IQSEC2: variants seen among roughly 807,000 people sequenced by gnomAD.
The protein encoded by IQSEC2 is IQ motif and Sec7 domain ArfGEF 2.
Under a neutral mutation model 74.6 loss-of-function variants are expected in IQSEC2, and 6 were observed. The ratio of observed to expected loss-of-function variants is 0.08; its 90% CI spans 0.04 to 0.16. IQSEC2 has a LOEUF of 0.16. Ranked by LOEUF, IQSEC2 falls within the 10% of genes least tolerant of loss-of-function variation. The pLI, the probability that IQSEC2 is intolerant of heterozygous loss-of-function variation, is 1.00. For synonymous variants in IQSEC2, 494 were observed against 544.5 expected, an observed-to-expected ratio of 0.91 and a Z score of 1.29; for missense variants, 734 against 1,306.2, an observed-to-expected ratio of 0.56 and a Z score of 6.75.
At chrX:53,303,673 C>T (rs112593119) in intron 1 of IQSEC2, among the ~76,000 whole-genome samples, 2,141 of 108,689 alleles carry the variant, frequency 0.02, 23 homozygotes, top group South Asian at 0.1. Context: ...TGATGGTGGG[C>T]GCCTATAATC....
At chrX:53,271,368 T>C (rs1459122339) in intron 2 of IQSEC2, among the ~76,000 whole-genome samples, 4 of 112,110 alleles carry the variant, frequency 3.6e-5, no homozygotes. Context: ...AGTAAATATG[T>C]CTGAGACTAA....
At chrX:53,285,853 G>A (rs368015864) in intron 2 of IQSEC2, among the ~76,000 whole-genome samples, 3 of 112,791 alleles carry the variant, frequency 2.7e-5, no homozygotes, top group East Asian at 5.5e-4. Context: ...TGTGGACATC[G>A]CTCCTGTGTC....
In IQSEC2 at chrX:53,255,951, C is replaced by G. The variant is rs1241595562; in HGVS notation, c.848G>C (p.Gly283Ala). 7 of 1,196,070 alleles carry G rather than the reference C, an allele frequency of 5.9e-6. No individual in the cohort carries two copies. Among genetic ancestry groups the G allele is most frequent in the Non-Finnish European group, 7.9e-6 (7 of 886,224 alleles). Reference sequence around the variant, plus strand: ...GGGAAGGCCCACTCCAGCAGGGGGGCCCCCCATGTGGCTGCTGGAGGGGGG... The same window carrying G: ...GGGAAGGCCCACTCCAGCAGGGGGGGCCCCCATGTGGCTGCTGGAGGGGGG... ...QLPPSSSHMG[G>A]PPAGVGLPWA... Residue 283 changes from glycine (G) to alanine (A), a missense_variant, in exon 3 of 15, where the codon GGC (glycine) becomes GCC (alanine). Gly to Ala is a moderately conservative substitution (Grantham distance 60). Around this residue, in one of 12 missense-constraint regions of IQSEC2, gnomAD observed 54 missense variants for 62.1 expected, o/e 0.87. Coordinates refer to ENST00000642864, the MANE Select transcript of IQSEC2 (RefSeq NM_001111125.3).
chrX:53,309,182 T>C (rs367911781), intron 1 of IQSEC2, among the ~76,000 whole-genome samples: 103 of 109,408 alleles, frequency 9.4e-4, no homozygotes, highest in African/African-American at 3.3e-3. Flanking sequence ...TATTTTGTCA[T>C]GGTAGGAAAA....
Position 53,250,850 on chromosome X carries a change from G to C in IQSEC2, c.1726C>G (p.Pro576Ala). The C allele has an allele frequency of 1.7e-6, 2 of 1,209,828 alleles. No homozygotes were observed. The highest frequency in any genetic ancestry group is 2.2e-6 in the Non-Finnish European group (2 of 894,128). The change falls in exon 5 of 15, where the codon CCC becomes GCC. Residue 576 changes from proline (P) to alanine (A), a missense_variant. Physicochemically the swap from Pro to Ala is conservative, Grantham distance 27 (BLOSUM62 -1). This residue lies in a region of IQSEC2 where 204 missense variants were observed against 305.4 expected (regional missense o/e 0.67). Coordinates refer to ENST00000642864, the MANE Select transcript of IQSEC2 (RefSeq NM_001111125.3). ...AAATCCCGGCACTCCAAGCACCCGG[G>C]ACCCCTGCGAGTGCCTTCCTCACGG... The part of the protein sequence containing the change: ...GSREEGTRRG[P>A]GCLECRDFRL...
In IQSEC2 at chrX:53,254,599, TCCA is replaced by T; in HGVS notation, c.1329_1331del (p.Gly444del). The T allele has an allele frequency of 8.4e-7, 1 of 1,192,667 alleles. No individual in the cohort carries two copies. The highest frequency in any genetic ancestry group is 1.1e-6 in the Non-Finnish European group (1 of 886,791). On this transcript the variant is annotated inframe_deletion, in exon 4 of 15. Coordinates refer to ENST00000642864, the MANE Select transcript of IQSEC2 (RefSeq NM_001111125.3). ...ACTCTCCAGATGTGGTGACGGAGCT[TCCA>T]CCACCATCGATGCCCCCACCACAGG... is the stretch of plus-strand genomic sequence containing the variant.
At position 53,250,639 on chromosome X, in the gene IQSEC2, C is replaced by A; in HGVS notation, c.1937G>T (p.Arg646Leu). The change falls in exon 5 of 15, where the codon CGC (arginine) becomes CTC (leucine). Residue 646 changes from arginine to leucine, a missense_variant. Physicochemically the swap from Arg to Leu is moderately radical, Grantham distance 102 (BLOSUM62 -2). Coordinates refer to ENST00000642864, the MANE Select transcript of IQSEC2 (RefSeq NM_001111125.3). ...TGGGCCTTCAGGGGCTGGGTAGTGG[C>A]GGTGTGGGATCGGGGCCCTGCCTGG... ...GPPGRAPIPHRHYPAPEGPAP... is the reference protein window; with the variant it reads ...GPPGRAPIPHLHYPAPEGPAP... 8.3e-7 allele frequency: 1 copy of A among 1,208,193 alleles called. No homozygotes were observed. The highest frequency in any genetic ancestry group is 1.1e-6 in the Non-Finnish European group (1 of 893,825).
chrX:53,232,697 CTG>C (rs1469783011), downstream of IQSEC2, among the ~76,000 whole-genome samples: 2 of 111,515 alleles, frequency 1.8e-5, no homozygotes, highest in South Asian at 3.7e-4. Context: ...GTCGCACAAA[CTG>C]TGTATGAAAT....
intron 2 of IQSEC2, among the ~76,000 whole-genome samples, chrX:53,268,507 G>A (rs782196341): frequency 2.7e-4 from 30 of 111,081 alleles, no homozygotes; most frequent in Non-Finnish European, 7.6e-5. Context: ...ACCTCTCCAG[G>A]CTGTCATGAG....
At chrX:53,314,652 C>G (rs1268470110) in intron 1 of IQSEC2, among the ~76,000 whole-genome samples, 3 of 111,763 alleles carry the variant, frequency 2.7e-5, no homozygotes, top group African/African-American at 6.5e-5. Flanking sequence ...ACGGGTCAGC[C>G]TGGCTGGAGC....
chrX:53,307,703 G>T (rs1309118225), intron 1 of IQSEC2, among the ~76,000 whole-genome samples: 3 of 103,632 alleles, frequency 2.9e-5, no homozygotes, highest in African/African-American at 1.1e-4. Flanking sequence ...TCAGGGGTTC[G>T]AGACTAACCT....
intron 2 of IQSEC2, among the ~76,000 whole-genome samples, chrX:53,259,188 CAAAAAAA>C (rs56394985): frequency 3.2e-5 from 1 of 31,682 alleles, no homozygotes; most frequent in African/African-American, 1.3e-4. Context: ...AGACTGTCTC[CAAAAAAA>C]AAAAAAAAAA....
At chrX:53,247,428 C>T (rs1292573049) in intron 7 of IQSEC2, among the ~76,000 whole-genome samples, 1 of 112,061 alleles carries the variant, frequency 8.9e-6, no homozygotes, top group Non-Finnish European at 1.9e-5. Context: ...CTCAAAGTGG[C>T]GAGGTAACTT....
chrX:53,250,671 C>G lies in IQSEC2; in HGVS notation c.1905G>C (p.Lys635Asn). ...GGATCGGGGCCCTGCCTGGTGGCCCCTTGTGCTTCAGGGTCCCATGGGGGC... is the reference window on the plus strand; with the variant it reads ...GGATCGGGGCCCTGCCTGGTGGCCCGTTGTGCTTCAGGGTCCCATGGGGGC... ...GCSPHGTLKH[K>N]GPPGRAPIPH... Residue 635 changes from lysine to asparagine, a missense_variant, in exon 5 of 15, where the codon AAG (lysine) becomes AAC (asparagine). By Grantham distance (94) the Lys-to-Asn change is moderately conservative. Around this residue, in one of 12 missense-constraint regions of IQSEC2, gnomAD observed 204 missense variants for 305.4 expected, o/e 0.67. Transcript: ENST00000642864. 1 of 1,210,814 alleles carries G rather than the reference C, an allele frequency of 8.3e-7. No homozygotes were observed. Among genetic ancestry groups the G allele is most frequent in the Non-Finnish European group, 1.1e-6 (1 of 895,123 alleles).
rs782460038 is a variant in IQSEC2 at position 53,255,944 on chromosome X, AG to A, written c.854del (p.Pro285LeufsTer21). 8.3e-7 allele frequency: 1 copy of A among 1,199,946 alleles called. No homozygotes were observed. Among genetic ancestry groups the A allele is most frequent in the South Asian group, 1.8e-5 (1 of 55,476 alleles). ...PPSSSHMGGP[P>X]AGVGLPWAQR... ...GAGCCCAGGGAAGGCCCACTCCAGC[AG>A]GGGGGCCCCCCATGTGGCTGCTGGA... is the stretch of plus-strand genomic sequence containing the variant. On this transcript the variant is annotated frameshift_variant, in exon 3 of 15. Transcript: ENST00000642864. LOFTEE classifies it high-confidence loss of function.
At chrX:53,262,454 T>G (rs1556866736) in intron 2 of IQSEC2, among the ~76,000 whole-genome samples, 1 of 111,840 alleles carries the variant, frequency 8.9e-6, no homozygotes. Flanking sequence ...ACTATCCCCA[T>G]GACAACTTAG....
intron 2 of IQSEC2, among the ~76,000 whole-genome samples, chrX:53,282,524 T>G (rs1427936685): frequency 1.8e-5 from 2 of 113,072 alleles, no homozygotes; most frequent in African/African-American, 6.4e-5. Flanking sequence ...CTGGCTGTTC[T>G]GAGCAGAAGG....
intron 2 of IQSEC2, among the ~76,000 whole-genome samples, chrX:53,287,823 A>T (rs1433989844): frequency 8.9e-6 from 1 of 112,271 alleles, no homozygotes; most frequent in Non-Finnish European, 1.9e-5. Context: ...GGCAGAACAC[A>T]GAGAGGAAGG....
chrX:53,254,463 G>A (rs2074435901), intron 4 of IQSEC2, 67 bp downstream of exon 4: 1 of 1,072,354 alleles, frequency 9.3e-7, no homozygotes, highest in Non-Finnish European at 1.3e-6. Context: ...TGCAATCTAG[G>A]TAAAAAGTAG....
Sources: gnomAD v4.1 joint callset for allele counts (sites outside exome capture counted in the v4.1 genomes callset) on GRCh38, gnomAD v4.1.1 for gene constraint, gnomAD v4.1.1 regional missense constraint, MANE v1.5 for transcripts, NCBI Gene and HGNC (gene_info 2026-07-23, HGNC 2026-07-21) for gene names.